RANBP2: variants seen among roughly 807,000 people sequenced by gnomAD.
RANBP2 encodes the protein E3 SUMO-protein ligase RanBP2.
Under a neutral mutation model 303.6 loss-of-function variants are expected in RANBP2, and 57 were observed. The ratio of observed to expected loss-of-function variants is 0.19; its 90% CI spans 0.15 to 0.23. The LOEUF (loss-of-function observed/expected upper bound fraction) is 0.23. Ranked by LOEUF, RANBP2 falls within the 10% of genes least tolerant of loss-of-function variation. The pLI is 1.00. For missense variants in RANBP2, 3,138 were observed against 3,780.8 expected, an observed-to-expected ratio of 0.83 and a Z score of 4.46; for synonymous variants, 1,167 against 1,301.5, an observed-to-expected ratio of 0.90 and a Z score of 2.23.
chr2:109,590,081 T>C, the RANBP2 span, among the ~76,000 whole-genome samples: 3 of 149,322 alleles, frequency 2.0e-5, no homozygotes, highest in African/African-American at 5.0e-5. Flanking sequence ...CACATATATA[T>C]GTATATATAT....
At chr2:108,811,243 CTCTCTTTTT>C in the RANBP2 span, among the ~76,000 whole-genome samples, 6 of 28,700 alleles carry the variant, frequency 2.1e-4, no homozygotes, top group African/African-American at 2.9e-4. Flanking sequence ...TTCTTTCTCT[CTCTCTTTTT>C]TTTTTTTTTT....
At chr2:109,567,830 G>T in the RANBP2 span, 5 of 1,604,006 alleles carry the variant, frequency 3.1e-6, no homozygotes, top group East Asian at 1.1e-4. Flanking sequence ...TTGCAGCGTT[G>T]ACCTTAGCAA....
the RANBP2 span, among the ~76,000 whole-genome samples, chr2:109,686,164 G>A: frequency 1.7e-4 from 26 of 152,192 alleles, no homozygotes; most frequent in African/African-American, 5.3e-4. Context: ...GTGCTGTGGG[G>A]AGCTGGGAGA....
chr2:108,846,814 A>G, the RANBP2 span: 6 of 1,612,614 alleles, frequency 3.7e-6, no homozygotes, highest in African/African-American at 4.0e-5. Flanking sequence ...GGAATTCAGG[A>G]TAATTCTCCA....
chr2:109,240,786 CCT>C, the RANBP2 span, among the ~76,000 whole-genome samples: 1 of 151,980 alleles, frequency 6.6e-6, no homozygotes, highest in Non-Finnish European at 1.5e-5. Flanking sequence ...CTCTCTAGAC[CCT>C]GAGGGGTTTC....
chr2:108,733,758 T>C (rs1317129623), intron 4 of RANBP2, among the ~76,000 whole-genome samples: 2 of 152,162 alleles, frequency 1.3e-5, no homozygotes, highest in East Asian at 1.9e-4. Context: ...GATTCTTTTC[T>C]TGCAGTGTAA....
the RANBP2 span, among the ~76,000 whole-genome samples, chr2:108,893,956 T>TATC: frequency 2.6e-5 from 4 of 152,148 alleles, no homozygotes; most frequent in African/African-American, 4.8e-5. Flanking sequence ...CCCCAATACA[T>TATC]ATCATTTTCT....
the RANBP2 span, among the ~76,000 whole-genome samples, chr2:109,420,020 G>A: frequency 6.6e-6 from 1 of 152,222 alleles, no homozygotes; most frequent in Non-Finnish European, 1.5e-5. Context: ...CTAGGAGCTT[G>A]GGTAGCCACT....
the RANBP2 span, among the ~76,000 whole-genome samples, chr2:109,171,853 A>G: frequency 6.6e-6 from 1 of 152,312 alleles, no homozygotes; most frequent in East Asian, 1.9e-4. Flanking sequence ...AAGATGTTCT[A>G]TTTGTGTTTT....
the RANBP2 span, among the ~76,000 whole-genome samples, chr2:109,497,986 G>A: frequency 6.6e-6 from 1 of 152,178 alleles, no homozygotes; most frequent in African/African-American, 2.4e-5. Context: ...GTAGGATGGC[G>A]CTGATCCTGT....
the RANBP2 span, chr2:108,873,662 A>G: frequency 2.8e-6 from 3 of 1,090,794 alleles, no homozygotes; most frequent in Non-Finnish European, 3.9e-6. Context: ...AGGGGTTTTA[A>G]TCTTTTGGCT....
At chr2:109,121,470 T>G in the RANBP2 span, among the ~76,000 whole-genome samples, 1 of 152,206 alleles carries the variant, frequency 6.6e-6, no homozygotes, top group African/African-American at 2.4e-5. Flanking sequence ...GTTAAACAGG[T>G]GCACAGCATC....
the RANBP2 span, among the ~76,000 whole-genome samples, chr2:109,174,782 C>A: frequency 6.6e-6 from 1 of 152,196 alleles, no homozygotes; most frequent in Non-Finnish European, 1.5e-5. Flanking sequence ...CTCGCTGGAG[C>A]CCTGCTGGCA....
At chr2:108,964,526 C>A in the RANBP2 span, among the ~76,000 whole-genome samples, 1 of 152,302 alleles carries the variant, frequency 6.6e-6, no homozygotes, top group Non-Finnish European at 1.5e-5. Context: ...AAAACCCCAA[C>A]AAACTCCAAA....
chr2:108,951,920 C>G, the RANBP2 span, among the ~76,000 whole-genome samples: 2 of 152,208 alleles, frequency 1.3e-5, no homozygotes, highest in South Asian at 2.1e-4. Context: ...ATGAGTAAGA[C>G]ATAGACTTTC....
At chr2:109,125,305 G>C in the RANBP2 span, among the ~76,000 whole-genome samples, 126 of 152,274 alleles carry the variant, frequency 8.3e-4, 1 homozygote, top group Non-Finnish European at 1.8e-4. Flanking sequence ...AGAGTTGGTG[G>C]GGGGGTTAGA....
chr2:109,678,660 A>G, the RANBP2 span, among the ~76,000 whole-genome samples: 160 of 152,348 alleles, frequency 1.1e-3, 1 homozygote, highest in Middle Eastern at 6.8e-3. Flanking sequence ...AATGGGACCA[A>G]TTTCCCTGAA....
the RANBP2 span, among the ~76,000 whole-genome samples, chr2:109,713,681 G>A: frequency 6.6e-6 from 1 of 152,298 alleles, no homozygotes; most frequent in East Asian, 1.9e-4. Flanking sequence ...TGCCCAGAGA[G>A]TCCATGAGAT....
At chr2:109,450,087 T>C in the RANBP2 span, among the ~76,000 whole-genome samples, 1 of 152,210 alleles carries the variant, frequency 6.6e-6, no homozygotes, top group Admixed American at 6.5e-5. Flanking sequence ...GGCTCAAGCC[T>C]GTAATCTCAG....
Sources: allele counts gnomAD v4.1 joint callset (sites outside exome capture counted in the v4.1 genomes callset), GRCh38; gene constraint gnomAD v4.1.1; transcripts MANE v1.5; gene names NCBI Gene and HGNC (gene_info 2026-07-23, HGNC 2026-07-21).